PARD3: variants seen among roughly 807,000 people sequenced by gnomAD.
PARD3 encodes the protein par-3 family cell polarity regulator.
In PARD3, 75 loss-of-function variants were observed where a neutral mutation model predicts 155.4. That is an observed-to-expected ratio of 0.48 (90% CI 0.40 to 0.58). PARD3 has a LOEUF of 0.58. Among genes scored for constraint, PARD3 ranks in the 20% least tolerant of loss-of-function variants. The pLI is 0.00. For synonymous variants in PARD3, 576 were observed against 610.5 expected (o/e 0.94, Z 0.83); for missense variants, 1,642 against 1,721.7 (o/e 0.95, Z 0.82).
At chr10:34,553,523 G>A (rs1190553433) in intron 2 of PARD3, among the ~76,000 whole-genome samples, 1 of 152,134 alleles carries the variant, frequency 6.6e-6, no homozygotes, top group Non-Finnish European at 1.5e-5. Context: ...AGGGAAAAGG[G>A]GATAAACAGA....
At chr10:34,765,331 GC>G (rs1349444752) in intron 1 of PARD3, among the ~76,000 whole-genome samples, 1 of 152,148 alleles carries the variant, frequency 6.6e-6, no homozygotes, top group Non-Finnish European at 1.5e-5. Context: ...GAGAAAGAAA[GC>G]CACATTACAT....
intron 1 of PARD3, among the ~76,000 whole-genome samples, chr10:34,718,988 A>G (rs1664457110): frequency 6.6e-6 from 1 of 152,142 alleles, no homozygotes; most frequent in South Asian, 2.1e-4. Flanking sequence ...AATAAATTTT[A>G]AAAAAATGCA....
intron 5 of PARD3, among the ~76,000 whole-genome samples, chr10:34,433,626 T>C (rs1234458396): frequency 6.6e-6 from 1 of 152,184 alleles, no homozygotes; most frequent in Non-Finnish European, 1.5e-5. Context: ...CAAACTAACA[T>C]TCCTTGCCCT....
intron 4 of PARD3, among the ~76,000 whole-genome samples, chr10:34,466,776 G>C (rs2133035790): frequency 6.6e-6 from 1 of 152,152 alleles, no homozygotes; most frequent in East Asian, 1.9e-4. Flanking sequence ...CCTTCCTTCT[G>C]AATATTGAAA....
chr10:34,267,048 G>C (rs973076156), intron 22 of PARD3, among the ~76,000 whole-genome samples: 3 of 152,056 alleles, frequency 2.0e-5, no homozygotes, highest in African/African-American at 7.2e-5. Context: ...CTATTTTTCA[G>C]GTTTTCAAAG....
At chr10:34,708,915 G>C (rs150373571) in intron 1 of PARD3, among the ~76,000 whole-genome samples, 1 of 152,204 alleles carries the variant, frequency 6.6e-6, no homozygotes, top group African/African-American at 2.4e-5. Context: ...TGTGATAATA[G>C]CTTTGTGGAT....
intron 1 of PARD3, among the ~76,000 whole-genome samples, chr10:34,810,849 C>T (rs1260614667): frequency 6.6e-6 from 1 of 152,146 alleles, no homozygotes. Context: ...AGGGAATATT[C>T]CACTTGAGAT....
chr10:34,574,377 T>C (rs1456052241), intron 2 of PARD3, among the ~76,000 whole-genome samples: 3 of 152,186 alleles, frequency 2.0e-5, no homozygotes, highest in Non-Finnish European at 4.4e-5. Context: ...TCACCAAATT[T>C]AGACACTTGT....
rs560323125 is a variant in PARD3, at chr10:34,456,477, T to C, written c.583-6029A>G. The stretch of plus-strand genomic sequence containing the variant: ...ATGCCTGGCTAATTTTTTGTATTTT[T>C]AGTAGAGACAGGGTTTCACCATGTT... On this transcript the variant is annotated intron_variant, in intron 4 of 24. Transcript: ENST00000374788. Among the ~76,000 whole-genome samples, 4 of 152,160 alleles carry C rather than the reference T, an allele frequency of 2.6e-5. No homozygotes were observed. The East Asian group carries it at 7.7e-4, about 29-fold the overall frequency.
Position 34,401,269 on chromosome 10 carries a change from T to C in PARD3, c.806+557A>G, listed in dbSNP as rs184141848. Among the ~76,000 whole-genome samples the C allele has an allele frequency of 2.0e-3, 309 of 152,272 alleles. 2 individuals are homozygous for C. Among genetic ancestry groups the C allele is most frequent in the African/African-American group, 7.0e-3 (289 of 41,566 alleles). Reference sequence around the variant, plus strand: ...AACACTGTGGAACAAACAGGAAATTTTTCTTTGTCCTTTTACACTTAAAAT... The same window carrying C: ...AACACTGTGGAACAAACAGGAAATTCTTCTTTGTCCTTTTACACTTAAAAT... On this transcript the variant is annotated intron_variant, in intron 6 of 24. Coordinates refer to ENST00000374788, the MANE Select transcript of PARD3 (RefSeq NM_001184785.2).
chr10:34,523,941 G>C (rs922118106), intron 2 of PARD3, among the ~76,000 whole-genome samples: 2 of 151,806 alleles, frequency 1.3e-5, no homozygotes, highest in Admixed American at 1.3e-4. Flanking sequence ...TTTCACTCAA[G>C]GATGTCCAAA....
At chr10:34,582,551 T>C (rs182631692) in intron 2 of PARD3, among the ~76,000 whole-genome samples, 17 of 152,352 alleles carry the variant, frequency 1.1e-4, no homozygotes, top group African/African-American at 3.8e-4. Context: ...GTTCCTCTTA[T>C]ATATATCTCC....
chr10:34,396,165 C>T (rs1435719980), intron 7 of PARD3, among the ~76,000 whole-genome samples: 1 of 152,122 alleles, frequency 6.6e-6, no homozygotes, highest in African/African-American at 2.4e-5. Context: ...ACCTGGCCAA[C>T]GTGGTGAAAC....
chr10:34,565,566 G>A (rs899615515), intron 2 of PARD3, among the ~76,000 whole-genome samples: 4 of 151,898 alleles, frequency 2.6e-5, no homozygotes, highest in Admixed American at 1.3e-4. Flanking sequence ...GTACCCAGCC[G>A]GGACACTTTT....
At chr10:34,558,130 C>T (rs1242967810) in intron 2 of PARD3, among the ~76,000 whole-genome samples, 2 of 152,034 alleles carry the variant, frequency 1.3e-5, no homozygotes, top group Non-Finnish European at 2.9e-5. Flanking sequence ...TCACCATGTT[C>T]TCACTTTGCA....
chr10:34,705,618 A>T (rs182809653), intron 1 of PARD3, among the ~76,000 whole-genome samples: 1 of 152,210 alleles, frequency 6.6e-6, no homozygotes, highest in Non-Finnish European at 1.5e-5. Flanking sequence ...GAGAAGACAG[A>T]CAGTCAGATG....
chr10:34,159,018 T>C (rs887350995), intron 22 of PARD3, among the ~76,000 whole-genome samples: 1 of 152,198 alleles, frequency 6.6e-6, no homozygotes, highest in Admixed American at 6.5e-5. Context: ...TTCTCAAATC[T>C]TGAAAAAGAA....
chr10:34,112,381 A>G (rs1230784953), intron 24 of PARD3, among the ~76,000 whole-genome samples: 1 of 152,228 alleles, frequency 6.6e-6, no homozygotes, highest in Non-Finnish European at 1.5e-5. Context: ...ATTTCCAGGA[A>G]ACATTATTGT....
chr10:34,517,660 T>C (rs2081869891), intron 2 of PARD3, among the ~76,000 whole-genome samples: 1 of 151,982 alleles, frequency 6.6e-6, no homozygotes, highest in African/African-American at 2.4e-5. Context: ...AGTTAGTAAA[T>C]TTGTTTCTCT....
Sources: gnomAD v4.1 joint callset for allele counts (sites outside exome capture counted in the v4.1 genomes callset) on GRCh38, gnomAD v4.1.1 for gene constraint, MANE v1.5 for transcripts, NCBI Gene and HGNC (gene_info 2026-07-23, HGNC 2026-07-21) for gene names.